COL4A2: variants seen among roughly 807,000 people sequenced by gnomAD.
COL4A2 encodes collagen type IV alpha 2 chain, also known as collagen alpha-2(IV) chain.
COL4A2 carries 99 observed loss-of-function variants against 200.2 expected under a neutral mutation model. That is an observed-to-expected ratio of 0.49 (90% CI 0.42 to 0.58). COL4A2 has a LOEUF of 0.58. Ranked by LOEUF, COL4A2 falls within the 20% of genes least tolerant of loss-of-function variation. The pLI, the probability that COL4A2 is intolerant of heterozygous loss-of-function variation, is 0.00. For missense variants in COL4A2, 1,950 were observed against 2,314.1 expected (o/e 0.84, Z 3.23); for synonymous variants, 897 against 900.6 (o/e 1.00, Z 0.07).
Position 110,465,731 on chromosome 13 carries a change from G to A in COL4A2, c.1978+125G>A, listed in dbSNP as rs76868020. ...TGTTTTGCCTCATCTGTTCTCGCAC[G>A]TACAAGGGATGACCCAACTGTGAGG... On this transcript the variant is annotated intron_variant, in intron 25 of 47. Transcript: ENST00000360467. 971 of 963,974 alleles carry A rather than the reference G, an allele frequency of 1.0e-3. 11 individuals are homozygous for A. The highest frequency in any genetic ancestry group is 9.8e-3 in the African/African-American group (594 of 60,414). 59.7% of individuals were successfully genotyped at this position (963,974 alleles called of 1,614,324 possible).
intron 32 of COL4A2, 39 bp from the exon 33 acceptor site, chr13:110,484,866 G>C (rs1883057846): frequency 6.4e-7 from 1 of 1,567,986 alleles, no homozygotes; most frequent in South Asian, 1.2e-5. Context: ...TGCGTGGTCT[G>C]GAGCCCCCAG....
At chr13:110,420,579 T>A (rs1239420250) in intron 4 of COL4A2, among the ~76,000 whole-genome samples, 6 of 152,234 alleles carry the variant, frequency 3.9e-5, no homozygotes, top group Non-Finnish European at 8.8e-5. Flanking sequence ...TAAACTAGAC[T>A]CTTTTCACTT....
chr13:110,418,629 G>A (rs1397853295), intron 4 of COL4A2, among the ~76,000 whole-genome samples: 1 of 152,216 alleles, frequency 6.6e-6, no homozygotes, highest in African/African-American at 2.4e-5. Flanking sequence ...TTGGAGGGCA[G>A]AAATTCCAAG....
At chr13:110,321,174 G>A (rs112367005) in intron 3 of COL4A2, among the ~76,000 whole-genome samples, 5,913 of 130,802 alleles carry the variant, frequency 0.045, 142 homozygotes, top group Admixed American at 0.06. Context: ...TTTATATAGT[G>A]TGCATGTGTG....
intron 4 of COL4A2, among the ~76,000 whole-genome samples, chr13:110,366,764 T>A (rs749702283): frequency 9.2e-5 from 14 of 152,206 alleles, no homozygotes; most frequent in Non-Finnish European, 1.6e-4. Context: ...CTGCATACAT[T>A]GTCTGTTACT....
Position 110,504,217 on chromosome 13 carries a change from G to A in COL4A2, c.4355G>A (p.Arg1452Gln), listed in dbSNP as rs766357778. 103 of 1,614,060 alleles carry A rather than the reference G, an allele frequency of 6.4e-5. No individual in the cohort carries two copies. Among genetic ancestry groups the A allele is most frequent in the East Asian group, 3.6e-4 (16 of 44,880 alleles). ...RGGVSAVPGFRGDEGPIGHQG... is the reference protein window; with the variant it reads ...RGGVSAVPGFQGDEGPIGHQG... ...GGTGTGTCTGCTGTTCCCGGCTTCC[G>A]GGGAGATGAAGGACCCATAGGCCAC... Residue 1452 changes from arginine to glutamine, a missense_variant, in exon 45 of 48, where the codon CGG (arginine) becomes CAG (glutamine). Transcript: ENST00000360467.
At chr13:110,453,962 T>C (rs1362342002) in intron 20 of COL4A2, among the ~76,000 whole-genome samples, 1 of 152,242 alleles carries the variant, frequency 6.6e-6, no homozygotes, top group Non-Finnish European at 1.5e-5. Context: ...AATGAAATTG[T>C]TAGATTCCTC....
intron 4 of COL4A2, among the ~76,000 whole-genome samples, chr13:110,411,394 C>G (rs1251648908): frequency 6.6e-6 from 1 of 152,212 alleles, no homozygotes; most frequent in Non-Finnish European, 1.5e-5. Flanking sequence ...AAATATTTCC[C>G]TGGAGTGTGT....
chr13:110,317,521 C>T (rs1394655844), intron 3 of COL4A2, among the ~76,000 whole-genome samples: 1 of 152,120 alleles, frequency 6.6e-6, no homozygotes, highest in Non-Finnish European at 1.5e-5. Flanking sequence ...GTCCCTTCTG[C>T]AGAGAGGCTG....
intron 16 of COL4A2, 149 bp downstream of exon 16, chr13:110,439,982 C>G (rs927102325): frequency 1.5e-5 from 19 of 1,262,434 alleles, no homozygotes; most frequent in Non-Finnish European, 2.0e-5. Flanking sequence ...CAAAGATAAT[C>G]CTGCCTCACA....
rs1411948926 is a variant in COL4A2 at position 110,450,240 on chromosome 13, C to T, written c.1190-65C>T. 1.2e-5 allele frequency: 18 copies of T among 1,479,496 alleles called. No homozygotes were observed. The East Asian group carries it at 1.8e-4, about 15-fold the overall frequency. The allele number at this position is 1,479,496 out of a possible 1,614,324, so 91.6% of individuals were successfully genotyped here. On this transcript the variant is annotated intron_variant, in intron 19 of 47. Coordinates refer to ENST00000360467, the MANE Select transcript of COL4A2 (RefSeq NM_001846.4). Reference sequence around the variant, plus strand: ...GTGCCCCAGTGGGCCCCTCTGGACACGAACACAAAGGCAGCGGTGTGGTAT... The same window carrying T: ...GTGCCCCAGTGGGCCCCTCTGGACATGAACACAAAGGCAGCGGTGTGGTAT...
chr13:110,351,579 T>G (rs1448037157), intron 3 of COL4A2, among the ~76,000 whole-genome samples: 2 of 152,244 alleles, frequency 1.3e-5, no homozygotes, highest in Non-Finnish European at 2.9e-5. Flanking sequence ...ACATTTATTT[T>G]TCAGAACTAT....
intron 45 of COL4A2, among the ~76,000 whole-genome samples, chr13:110,506,188 C>T (rs1883857560): frequency 6.6e-6 from 1 of 152,028 alleles, no homozygotes; most frequent in Non-Finnish European, 1.5e-5. Context: ...CTCTCTCTCT[C>T]TCAGGCTGCA....
intron 3 of COL4A2, among the ~76,000 whole-genome samples, chr13:110,343,033 G>T (rs755422020): frequency 6.6e-5 from 10 of 152,218 alleles, no homozygotes; most frequent in Non-Finnish European, 1.3e-4. Context: ...ATGTGTGCAT[G>T]CTAATTCCAA....
At chr13:110,479,396 C>T (rs555972512) in intron 30 of COL4A2, among the ~76,000 whole-genome samples, 14 of 111,636 alleles carry the variant, frequency 1.3e-4, no homozygotes, top group African/African-American at 4.7e-4. Flanking sequence ...CTGGTGCCAG[C>T]GGGGAGAAGG....
rs1566511392 is a variant in COL4A2, at chr13:110,397,610, C to T, written c.181-27124C>T. On this transcript the variant is annotated intron_variant, in intron 4 of 47. Transcript: ENST00000360467. ...GGAGGCCAGAAGTACTGGCTCTGAA[C>T]TGAACTACCACTTGCAAATCGATGT... is the stretch of plus-strand genomic sequence containing the variant. Among the ~76,000 whole-genome samples, 4 of 152,294 alleles carry T rather than the reference C, an allele frequency of 2.6e-5. No individual in the cohort carries two copies. In the South Asian group the frequency reaches 8.3e-4, roughly 32 times the overall value.
intron 3 of COL4A2, among the ~76,000 whole-genome samples, chr13:110,350,001 T>C (rs528784953): frequency 1.3e-5 from 2 of 152,238 alleles, no homozygotes; most frequent in East Asian, 1.9e-4. Context: ...TAACTTCAAG[T>C]GATCCACCGC....
At chr13:110,485,250 G>C (rs998597284) in intron 33 of COL4A2, among the ~76,000 whole-genome samples, 1 of 152,166 alleles carries the variant, frequency 6.6e-6, no homozygotes, top group Non-Finnish European at 1.5e-5. Flanking sequence ...CTGGCCGGGC[G>C]CGGTGGCTCA....
At chr13:110,350,934 C>T (rs1876928090) in intron 3 of COL4A2, among the ~76,000 whole-genome samples, 1 of 152,170 alleles carries the variant, frequency 6.6e-6, no homozygotes, top group Non-Finnish European at 1.5e-5. Context: ...TCTCTGTTTC[C>T]CTCTTATTCC....
Sources: gnomAD v4.1 joint callset for allele counts (sites outside exome capture counted in the v4.1 genomes callset) on GRCh38, gnomAD v4.1.1 for gene constraint, MANE v1.5 for transcripts, NCBI Gene and HGNC (gene_info 2026-07-23, HGNC 2026-07-21) for gene names.